SEC63: variants seen among roughly 807,000 people sequenced by gnomAD.
The protein encoded by SEC63 is SEC63 protein translocation regulator.
A neutral mutation model predicts 116.2 loss-of-function variants in SEC63; 56 were observed. The observed-to-expected ratio is 0.48, with a 90% CI of 0.39 to 0.60. SEC63 has a LOEUF of 0.60. Among genes scored for constraint, SEC63 ranks in the 20% least tolerant of loss-of-function variants. The probability of loss-of-function intolerance (pLI) is 0.00; values close to 1 mark genes in which losing one functional copy is unlikely to be tolerated. For missense variants in SEC63, 668 were observed against 900.0 expected, an observed-to-expected ratio of 0.74 and a Z score of 3.30; for synonymous variants, 273 against 294.6, an observed-to-expected ratio of 0.93 and a Z score of 0.75.
intron 1 of SEC63, among the ~76,000 whole-genome samples, chr6:107,950,740 T>A (rs760920524): frequency 1.3e-5 from 2 of 152,150 alleles, no homozygotes; most frequent in Admixed American, 6.5e-5. Context: ...TTTGAAAAAG[T>A]AAGGTTAAGT....
At chr6:107,896,809 T>C (rs1173016434) in intron 14 of SEC63, among the ~76,000 whole-genome samples, 1 of 151,958 alleles carries the variant, frequency 6.6e-6, no homozygotes, top group Non-Finnish European at 1.5e-5. Flanking sequence ...TGAAACCCCA[T>C]CTCTACTAAA....
At chr6:107,956,198 C>CT (rs929834811) in intron 1 of SEC63, 9 of 188,870 alleles carry the variant, frequency 4.8e-5, no homozygotes, top group South Asian at 2.6e-4. Flanking sequence ...TCTCAAAACA[C>CT]TTTTTTTTAT....
chr6:107,905,986 T>C (rs567757142), intron 10 of SEC63, among the ~76,000 whole-genome samples: 2 of 152,198 alleles, frequency 1.3e-5, no homozygotes, highest in Non-Finnish European at 2.9e-5. Flanking sequence ...CACCATGCTA[T>C]GGTTTGGGTC....
intron 20 of SEC63, 140 bp downstream of exon 20, chr6:107,872,668 C>T (rs1027038561): frequency 2.0e-5 from 12 of 610,466 alleles, no homozygotes; most frequent in Non-Finnish European, 3.2e-5. Context: ...AAGAGTAGTC[C>T]ATCAAGTATA....
At chr6:107,894,875 C>CCA (rs1293874558) in intron 14 of SEC63, among the ~76,000 whole-genome samples, 1 of 151,978 alleles carries the variant, frequency 6.6e-6, no homozygotes, top group Non-Finnish European at 1.5e-5. Context: ...AGTAGCTGTG[C>CCA]CACTGTGCCT....
At chr6:107,916,988 C>T (rs978978264) in intron 4 of SEC63, among the ~76,000 whole-genome samples, 2 of 152,230 alleles carry the variant, frequency 1.3e-5, no homozygotes, top group Non-Finnish European at 2.9e-5. Flanking sequence ...TGGCCATAAA[C>T]GAAATCTCTG....
rs563588616 is a variant in SEC63, at chr6:107,884,424, G to A, written c.1675-1278C>T. Among the ~76,000 whole-genome samples the A allele has an allele frequency of 4.0e-5, 6 of 151,840 alleles. No individual in the cohort carries two copies. The South Asian group carries it at 1.2e-3, about 32-fold the overall frequency. On this transcript the variant is annotated intron_variant, in intron 16 of 20. Transcript: ENST00000369002. ...ACAAGAGGCGTAACTATATCCAACA[G>A]ACATTAAAAGAAAATTATGAATAAT...
At chr6:107,917,407 G>GTA (rs1246580813) in intron 4 of SEC63, among the ~76,000 whole-genome samples, 1 of 151,948 alleles carries the variant, frequency 6.6e-6, no homozygotes, top group Non-Finnish European at 1.5e-5. Flanking sequence ...TAGGGCCGCT[G>GTA]GGTTAGGGTC....
chr6:107,928,345 C>A (rs1787721923), intron 2 of SEC63, among the ~76,000 whole-genome samples: 1 of 151,666 alleles, frequency 6.6e-6, no homozygotes, highest in African/African-American at 2.4e-5. Context: ...AAAAGTTAAC[C>A]AGGTGTAGTG....
At chr6:107,909,131 G>C in intron 7 of SEC63, 96 bp from the exon 8 acceptor site, 1 of 839,818 alleles carries the variant, frequency 1.2e-6, no homozygotes, top group Non-Finnish European at 2.0e-6. Flanking sequence ...ACTTTGGGAG[G>C]CTGAGGTGAG....
chr6:107,946,687 C>T (rs767609746), intron 1 of SEC63, among the ~76,000 whole-genome samples: 1 of 152,170 alleles, frequency 6.6e-6, no homozygotes, highest in Non-Finnish European at 1.5e-5. Context: ...CTTTTTAAAA[C>T]AATTTAAAGT....
chr6:107,898,783 A>G (rs916278799), intron 13 of SEC63, among the ~76,000 whole-genome samples: 2 of 151,272 alleles, frequency 1.3e-5, no homozygotes, highest in African/African-American at 4.9e-5. Context: ...TACAGATTTT[A>G]TATGTAAGAT....
chr6:107,915,290 C>A (rs889457948), intron 4 of SEC63, among the ~76,000 whole-genome samples: 1 of 151,878 alleles, frequency 6.6e-6, no homozygotes, highest in Non-Finnish European at 1.5e-5. Context: ...ATCTATGACC[C>A]CTTTGCCCTG....
intron 4 of SEC63, among the ~76,000 whole-genome samples, chr6:107,921,453 CTT>C (rs34843868): frequency 5.5e-5 from 8 of 145,408 alleles, no homozygotes; most frequent in Admixed American, 1.4e-4. Context: ...GAAAACTATC[CTT>C]TTTTTTTTTT....
At chr6:107,915,413 A>C (rs1277700688) in intron 4 of SEC63, among the ~76,000 whole-genome samples, 2 of 152,190 alleles carry the variant, frequency 1.3e-5, no homozygotes, top group African/African-American at 4.8e-5. Context: ...AGTGACCATG[A>C]GTTGGCTATG....
In SEC63 at chr6:107,957,971, G is replaced by A. The variant is rs764996598; in HGVS notation, c.39C>T (p.Asn13=). ...AGGAGGTGAGGAAGTAGAAGAAGGT[G>A]TTCCCACTGTCATCGTACTGGAACT... ...GQQFQYDDSG[N]TFFYFLTSFV... Residue 13 remains asparagine, a synonymous_variant, in exon 1 of 21, where the codon AAC becomes AAT. Coordinates refer to ENST00000369002, the MANE Select transcript of SEC63 (RefSeq NM_007214.5). 1 of 1,613,498 alleles carries A rather than the reference G, an allele frequency of 6.2e-7. No homozygotes were observed. Among genetic ancestry groups the A allele is most frequent in the Non-Finnish European group, 8.5e-7 (1 of 1,179,618 alleles).
Position 107,921,783 on chromosome 6 carries a change from A to G in SEC63, c.452+14T>C. The G allele has an allele frequency of 6.6e-7, 1 of 1,505,976 alleles. No homozygotes were observed. The highest frequency in any genetic ancestry group is 9.2e-7 in the Non-Finnish European group (1 of 1,081,644). The allele number at this position is 1,505,976 out of a possible 1,614,324, so 93.3% of individuals were successfully genotyped here. A position where few individuals can be genotyped will look rare whatever the true frequency, so the allele number is the denominator to read the frequency against. ...TACCATTCTTAAAAATTTGTAATGG[A>G]TCCTGATACTTACGCAGCATAAGCT... is the stretch of plus-strand genomic sequence containing the variant. On this transcript the variant is annotated intron_variant, in intron 4 of 20. Coordinates refer to ENST00000369002, the MANE Select transcript of SEC63 (RefSeq NM_007214.5).
At chr6:107,930,481 C>T (rs926989743) in intron 1 of SEC63, among the ~76,000 whole-genome samples, 6 of 151,756 alleles carry the variant, frequency 4.0e-5, no homozygotes, top group Admixed American at 6.6e-5. Context: ...GTGGTGCATG[C>T]CTGTAATCCC....
chr6:107,910,070 T>C (rs1787240567), intron 7 of SEC63, among the ~76,000 whole-genome samples: 2 of 152,142 alleles, frequency 1.3e-5, no homozygotes, highest in Admixed American at 6.5e-5. Flanking sequence ...CATAAATTCA[T>C]AGAAAAAGAT....
Sources: gnomAD v4.1 joint callset for allele counts (sites outside exome capture counted in the v4.1 genomes callset) on GRCh38, gnomAD v4.1.1 for gene constraint, MANE v1.5 for transcripts, NCBI Gene and HGNC (gene_info 2026-07-23, HGNC 2026-07-21) for gene names.